Variants in SPTAN1 observed in about 807,000 individuals in gnomAD.
SPTAN1 encodes spectrin alpha chain, non-erythrocytic 1.
A neutral mutation model predicts 331.3 loss-of-function variants in SPTAN1; 61 were observed. The observed-to-expected ratio is 0.18, with a 90% CI of 0.15 to 0.23. The LOEUF (loss-of-function observed/expected upper bound fraction) is 0.23, where lower values mean the gene tolerates loss of function less well. Among genes scored for constraint, SPTAN1 ranks in the 10% least tolerant of loss-of-function variants. The pLI is 1.00. For missense variants in SPTAN1, 2,043 were observed against 3,147.9 expected, an observed-to-expected ratio of 0.65 and a Z score of 8.40; for synonymous variants, 1,153 against 1,173.9, an observed-to-expected ratio of 0.98 and a Z score of 0.36.
At chr9:128,630,831 A>G (rs557452447) in intron 52 of SPTAN1, among the ~76,000 whole-genome samples, 3 of 152,092 alleles carry the variant, frequency 2.0e-5, no homozygotes, top group African/African-American at 7.2e-5. Context: ...CAACCTCCCA[A>G]GTAGCTGGGA....
Position 128,584,320 on chromosome 9 carries a change from C to T in SPTAN1, c.2232C>T (p.Phe744=). ...IDGITIQARQ[F]QDAGHFDAEN... Reference sequence around the variant, plus strand: ...GCATCACCATTCAGGCCCGCCAGTTCCAAGATGCTGGCCATTTTGATGCAG... The same window carrying T: ...GCATCACCATTCAGGCCCGCCAGTTTCAAGATGCTGGCCATTTTGATGCAG... Residue 744 remains phenylalanine, a synonymous_variant, in exon 17 of 57, where the codon TTC becomes TTT. Coordinates refer to ENST00000372739, the MANE Select transcript of SPTAN1 (RefSeq NM_001130438.3). 5.6e-6 allele frequency: 9 copies of T among 1,614,166 alleles called. No homozygotes were observed. The highest frequency in any genetic ancestry group is 1.1e-5 in the South Asian group (1 of 91,064).
chr9:128,619,388 G>T lies in SPTAN1; in HGVS notation c.5733+385G>T, dbSNP rs1399472705. ...GACAACAGAGATTTATTGCTTCTCA[G>T]TTCTGGAGGCCAGAAGTCTGAAATC... is the stretch of plus-strand genomic sequence containing the variant. On this transcript the variant is annotated intron_variant, in intron 44 of 56. Coordinates refer to ENST00000372739, the MANE Select transcript of SPTAN1 (RefSeq NM_001130438.3). Among the ~76,000 whole-genome samples the T allele has an allele frequency of 1.3e-5, 2 of 152,352 alleles. 1 individual carries two copies.
chr9:128,578,269 C>A, intron 9 of SPTAN1, 24 bp downstream of exon 9: 1 of 1,613,270 alleles, frequency 6.2e-7, no homozygotes, highest in South Asian at 1.1e-5. Flanking sequence ...TAGAATCTTC[C>A]AGAAGTGAAG....
chr9:128,581,126 G>C, intron 11 of SPTAN1, 67 bp downstream of exon 11: 1 of 1,605,700 alleles, frequency 6.2e-7, no homozygotes, highest in Non-Finnish European at 8.5e-7. Context: ...TCCTCGGGTA[G>C]TGTGCTTGTT....
chr9:128,595,090 G>A (rs988686864), intron 24 of SPTAN1, among the ~76,000 whole-genome samples: 1 of 150,972 alleles, frequency 6.6e-6, no homozygotes, highest in African/African-American at 2.4e-5. Flanking sequence ...GATAACAGGC[G>A]TAAGCCACCG....
intron 41 of SPTAN1, among the ~76,000 whole-genome samples, chr9:128,617,305 G>C (rs1857293916): frequency 6.6e-6 from 1 of 151,644 alleles, no homozygotes; most frequent in Non-Finnish European, 1.5e-5. Flanking sequence ...GACATATATT[G>C]ATATATTAAT....
intron 24 of SPTAN1, among the ~76,000 whole-genome samples, chr9:128,594,780 G>A (rs889570560): frequency 1.5e-5 from 2 of 132,934 alleles, no homozygotes; most frequent in African/African-American, 5.5e-5. Flanking sequence ...AAATTACATA[G>A]ATTATATTCC....
chr9:128,585,713 G>A, intron 18 of SPTAN1, 35 bp from the exon 19 acceptor site: 2 of 1,579,350 alleles, frequency 1.3e-6, no homozygotes, highest in Non-Finnish European at 1.7e-6. Flanking sequence ...TGTCAACGTA[G>A]TTTTTGTTAT....
At chr9:128,586,302 A>T (rs1852631007) in intron 19 of SPTAN1, among the ~76,000 whole-genome samples, 1 of 150,904 alleles carries the variant, frequency 6.6e-6, no homozygotes, top group African/African-American at 2.4e-5. Context: ...TTTAATTTTA[A>T]TTTTATTTTT....
chr9:128,627,216 G>T lies in SPTAN1; in HGVS notation c.6577-170G>T. On this transcript the variant is annotated intron_variant, in intron 49 of 56. Transcript: ENST00000372739. This position sits in a 1 kb window ranked among gnomAD's most constrained non-coding sequence, Gnocchi z 4.9. ...GAAGCCCCTGGGGGGTGGGAACAGA[G>T]AAAGAACTACCAAGTGCTCTGAGCC... The T allele has an allele frequency of 1.5e-6, 1 of 669,754 alleles. No homozygotes were observed. Among genetic ancestry groups the T allele is most frequent in the East Asian group, 2.8e-5 (1 of 35,674 alleles). 41.5% of individuals were successfully genotyped at this position (669,754 alleles called of 1,614,324 possible).
chr9:128,593,058 G>A lies in SPTAN1; in HGVS notation c.3215+16G>A. On this transcript the variant is annotated intron_variant, in intron 23 of 56. Coordinates refer to ENST00000372739, the MANE Select transcript of SPTAN1 (RefSeq NM_001130438.3). ...TGGAAGAACTGTGAGTAGGCTGAGAGTCTTGCAGAGCACCAATGTCCACTG... is the reference window on the plus strand; with the variant it reads ...TGGAAGAACTGTGAGTAGGCTGAGAATCTTGCAGAGCACCAATGTCCACTG... The A allele has an allele frequency of 6.2e-7, 1 of 1,605,490 alleles. No individual in the cohort carries two copies. Among genetic ancestry groups the A allele is most frequent in the Non-Finnish European group, 8.5e-7 (1 of 1,175,594 alleles).
At position 128,603,533 on chromosome 9, in the gene SPTAN1, CCCTA is replaced by C. The variant is rs754528571; in HGVS notation, c.3580-5_3580-2del. On this transcript the variant is annotated splice_polypyrimidine_tract_variant and splice_region_variant and intron_variant, in intron 27 of 56. Coordinates refer to ENST00000372739, the MANE Select transcript of SPTAN1 (RefSeq NM_001130438.3). Reference sequence around the variant, plus strand: ...GATTAGTTTTGCCTTCTGCTTTCCTCCCTACCTAGTCTGCTCGTCTGATGGTTCA... The same window carrying C: ...GATTAGTTTTGCCTTCTGCTTTCCTCCCTAGTCTGCTCGTCTGATGGTTCA... 1.7e-5 allele frequency: 28 copies of C among 1,614,088 alleles called. No homozygotes were observed. In the African/African-American group the frequency reaches 3.6e-4, roughly 21 times the overall value.
rs117975373 is a variant in SPTAN1 at position 128,589,260 on chromosome 9, C to T, written c.3006+317C>T. On this transcript the variant is annotated intron_variant, in intron 21 of 56. Transcript: ENST00000372739. ...AGTTTGCTTTCTGTATAACTTGGAC[C>T]TGTTGGTTCTTTTTTTTTCTTTTTC... is the stretch of plus-strand genomic sequence containing the variant. Among the ~76,000 whole-genome samples, 1,758 of 150,288 alleles carry T rather than the reference C, an allele frequency of 0.012. 25 individuals are homozygous for T. The highest frequency in any genetic ancestry group is 0.043 in the South Asian group (199 of 4,672).
intron 19 of SPTAN1, among the ~76,000 whole-genome samples, chr9:128,587,232 G>A (rs1334386488): frequency 6.6e-6 from 1 of 151,862 alleles, no homozygotes; most frequent in Non-Finnish European, 1.5e-5. Context: ...CTACAGGCAC[G>A]CACCATCACA....
intron 46 of SPTAN1, 190 bp from the exon 47 acceptor site, chr9:128,624,913 T>G (rs1858504619): frequency 6.1e-6 from 4 of 657,276 alleles, no homozygotes; most frequent in Non-Finnish European, 1.1e-5. Context: ...TGCAGGGAGC[T>G]CGTCATGGCA....
intron 27 of SPTAN1, among the ~76,000 whole-genome samples, chr9:128,600,433 C>T (rs1362530114): frequency 6.6e-6 from 1 of 152,098 alleles, no homozygotes; most frequent in African/African-American, 2.4e-5. Flanking sequence ...GATGTGAACA[C>T]GAGAACAACT....
chr9:128,587,949 G>T (rs575760850), intron 20 of SPTAN1, among the ~76,000 whole-genome samples: 2 of 151,634 alleles, frequency 1.3e-5, no homozygotes, highest in African/African-American at 4.8e-5. Flanking sequence ...GGGTTCAAGC[G>T]ATTTTCCTGA....
At chr9:128,563,603 A>G (rs1849664676) in intron 1 of SPTAN1, among the ~76,000 whole-genome samples, 1 of 152,156 alleles carries the variant, frequency 6.6e-6, no homozygotes, top group African/African-American at 2.4e-5. Context: ...TACAATATGC[A>G]AACTGAAAGA....
At chr9:128,592,907 C>G (rs762830545) in intron 22 of SPTAN1, 76 bp from the exon 23 acceptor site, 1 of 1,352,276 alleles carries the variant, frequency 7.4e-7, no homozygotes, top group Non-Finnish European at 1.0e-6. Flanking sequence ...TGGCACCAGT[C>G]GGAGCTGCTG....
Sources: allele counts gnomAD v4.1 joint callset (sites outside exome capture counted in the v4.1 genomes callset), GRCh38; gene constraint gnomAD v4.1.1; non-coding constraint Gnocchi (gnomAD v3.1); transcripts MANE v1.5; gene names NCBI Gene and HGNC (gene_info 2026-07-23, HGNC 2026-07-21).